The following PSMG2 variants were observed in gnomAD, a reference collection of about 807,000 sequenced individuals.
PSMG2 encodes proteasome assembly chaperone 2.
PSMG2 carries 21 observed loss-of-function variants against 31.5 expected under a neutral mutation model. The ratio of observed to expected loss-of-function variants is 0.67; its 90% CI spans 0.47 to 0.96. The LOEUF (loss-of-function observed/expected upper bound fraction) is 0.96. PSMG2 is among the 40% of genes least tolerant of loss of function. The probability of loss-of-function intolerance (pLI) is 0.00; values close to 1 mark genes in which losing one functional copy is unlikely to be tolerated. For missense variants in PSMG2, 318 were observed against 321.2 expected, an observed-to-expected ratio of 0.99 and a Z score of 0.08; for synonymous variants, 120 against 110.4, an observed-to-expected ratio of 1.09 and a Z score of -0.54.
At chr18:12,724,446 T>C in intron 5 of PSMG2, 53 bp from the exon 6 acceptor site, 1 of 1,485,052 alleles carries the variant, frequency 6.7e-7, no homozygotes, top group Non-Finnish European at 9.0e-7. Flanking sequence ...CACACTAGAG[T>C]CAGCTCTTGT....
chr18:12,677,745 C>T (rs939665589), intron 1 of PSMG2, among the ~76,000 whole-genome samples: 3 of 152,092 alleles, frequency 2.0e-5, no homozygotes, highest in African/African-American at 7.2e-5. Context: ...AGGCATGAGC[C>T]ATCAAGCCCA....
At chr18:12,709,743 A>C (rs1341049892) in intron 2 of PSMG2, among the ~76,000 whole-genome samples, 1 of 150,814 alleles carries the variant, frequency 6.6e-6, no homozygotes, top group Non-Finnish European at 1.5e-5. Context: ...CAGGTGATCC[A>C]ACCACCTTGG....
intron 1 of PSMG2, among the ~76,000 whole-genome samples, chr18:12,704,097 G>A (rs1347465642): frequency 6.6e-6 from 1 of 152,094 alleles, no homozygotes; most frequent in Non-Finnish European, 1.5e-5. Context: ...CAAAAAGGAG[G>A]GAGTGGCCAT....
Position 12,674,812 on chromosome 18 carries a change from TA to T in PSMG2, c.-37+16042del. ...ATACATTAATATTTTTAAAACCAAC[TA>T]AATAAAAATGTTGATTATTTTAATG... On this transcript the variant is annotated intron_variant, in intron 1 of 6. Transcript: ENST00000585331. 5 of 1,060,714 alleles carry T rather than the reference TA, an allele frequency of 4.7e-6. No individual in the cohort carries two copies. In the South Asian group the frequency reaches 6.6e-5, roughly 14 times the overall value. The allele number at this position is 1,060,714 out of a possible 1,614,324, so 65.7% of individuals were successfully genotyped here. A position where few individuals can be genotyped will look rare whatever the true frequency, so the allele number is the denominator to read the frequency against.
chr18:12,699,863 T>C (rs1400429023), upstream of PSMG2: 5 of 1,594,316 alleles, frequency 3.1e-6, no homozygotes, highest in East Asian at 2.3e-5. Flanking sequence ...TCAAAACAAA[T>C]AGGTTGTTTT....
chr18:12,686,294 A>T (rs751872031), intron 1 of PSMG2: 8 of 1,614,044 alleles, frequency 5.0e-6, no homozygotes, highest in Admixed American at 1.7e-5. Context: ...AGCAGAGTGC[A>T]CCACTGCTCC....
chr18:12,691,256 A>AT, intron 1 of PSMG2: 2 of 731,068 alleles, frequency 2.7e-6, no homozygotes, highest in Non-Finnish European at 4.1e-6. Context: ...ATACACTTTT[A>AT]TTTTTTGGAA....
rs763788988 is a variant in PSMG2 at position 12,724,498 on chromosome 18, G to A, written c.582-1G>A. 1.3e-5 allele frequency: 21 copies of A among 1,595,418 alleles called. No individual in the cohort carries two copies. The highest frequency in any genetic ancestry group is 1.7e-5 in the Non-Finnish European group (20 of 1,173,148). ...CTGATTCTTATTTTTATTTCTTGTA[G>A]CTGTTCTAAAGAAATCCAAATGGCA... On this transcript the variant is annotated splice_acceptor_variant, in intron 5 of 6. Transcript: ENST00000317615. LOFTEE classifies it high-confidence loss of function.
chr18:12,696,957 T>C (rs1223935121), intron 1 of PSMG2, among the ~76,000 whole-genome samples: 1 of 152,162 alleles, frequency 6.6e-6, no homozygotes, highest in Admixed American at 6.5e-5. Flanking sequence ...GAACTTGAAA[T>C]TAAAACCCTC....
intron 1 of PSMG2, among the ~76,000 whole-genome samples, chr18:12,691,784 C>T (rs1883602850): frequency 1.3e-5 from 2 of 150,874 alleles, no homozygotes; most frequent in Admixed American, 6.6e-5. Context: ...GGCAAGATCT[C>T]AGCTCACTGC....
chr18:12,674,770 G>C (rs774429469), intron 1 of PSMG2: 2 of 1,501,196 alleles, frequency 1.3e-6, no homozygotes, highest in Non-Finnish European at 9.1e-7. Flanking sequence ...GCAATCAAGA[G>C]AAAAAGAAAA....
chr18:12,700,828 C>T, upstream of PSMG2: 1 of 619,474 alleles, frequency 1.6e-6, no homozygotes, highest in Non-Finnish European at 2.7e-6. Context: ...GAAACAAGGA[C>T]ACTAGTAAAC....
At position 12,664,093 on chromosome 18, in the gene PSMG2, G is replaced by C. The variant is rs564765438; in HGVS notation, c.-37+5320G>C. Reference sequence around the variant, plus strand: ...GCAAGAGAATCGCTTGAACCCGGAGGGGCGGTGGTTGCGGTGAGCCGAGAT... The same window carrying C: ...GCAAGAGAATCGCTTGAACCCGGAGCGGCGGTGGTTGCGGTGAGCCGAGAT... On this transcript the variant is annotated intron_variant, in intron 1 of 6. Transcript: ENST00000585331. 2.6e-5 allele frequency among the ~76,000 whole-genome samples: 4 copies of C among 152,270 alleles called. No homozygotes were observed. In the South Asian group the frequency reaches 8.3e-4, roughly 32 times the overall value.
chr18:12,678,369 T>A, intron 1 of PSMG2: 1 of 1,614,130 alleles, frequency 6.2e-7, no homozygotes, highest in South Asian at 1.1e-5. Context: ...CAACCAATTG[T>A]TCGATATGGG....
intron 1 of PSMG2, among the ~76,000 whole-genome samples, chr18:12,668,762 A>G (rs1472501204): frequency 2.6e-5 from 3 of 115,154 alleles, no homozygotes; most frequent in Non-Finnish European, 3.5e-5. Context: ...TTTTTGAGAC[A>G]GAGTCTTGCT....
intron 3 of PSMG2, among the ~76,000 whole-genome samples, chr18:12,717,541 A>G (rs2040388680): frequency 6.6e-6 from 1 of 152,206 alleles, no homozygotes; most frequent in African/African-American, 2.4e-5. Flanking sequence ...ACTTCCGCAC[A>G]CATCTTTCAA....
intron 1 of PSMG2, among the ~76,000 whole-genome samples, chr18:12,671,348 T>C (rs2038937116): frequency 6.6e-6 from 1 of 152,142 alleles, no homozygotes; most frequent in Admixed American, 6.6e-5. Context: ...ATAACTTGGA[T>C]AGCCAACTGG....
intron 1 of PSMG2, chr18:12,685,495 G>GT (rs2039509891): frequency 1.3e-5 from 2 of 152,160 alleles, no homozygotes; most frequent in Non-Finnish European, 2.9e-5. Context: ...AAGATGCTGA[G>GT]TTTTTTGTGT....
intron 1 of PSMG2, among the ~76,000 whole-genome samples, 186 bp downstream of exon 1, chr18:12,703,350 G>C (rs1359506002): frequency 6.6e-6 from 1 of 152,242 alleles, no homozygotes; most frequent in African/African-American, 2.4e-5. Flanking sequence ...TTTGTCGGCT[G>C]TAAAACCAAA....
Sources: allele counts gnomAD v4.1 joint callset (sites outside exome capture counted in the v4.1 genomes callset), GRCh38; gene constraint gnomAD v4.1.1; transcripts MANE v1.5; gene names NCBI Gene and HGNC (gene_info 2026-07-23, HGNC 2026-07-21).